Variants in FAM229A observed in about 807,000 individuals in gnomAD.
FAM229A encodes the protein protein FAM229A.
FAM229A carries 9 observed loss-of-function variants against 10.0 expected under a neutral mutation model. The observed-to-expected ratio is 0.90, with a 90% CI of 0.54 to 1.56. The LOEUF (loss-of-function observed/expected upper bound fraction) is 1.56. Among genes scored for constraint, FAM229A ranks in the 40% most tolerant of loss-of-function variants. The pLI is 0.00. For missense variants in FAM229A, 196 were observed against 197.6 expected (o/e 0.99, Z 0.05); for synonymous variants, 93 against 90.1 (o/e 1.03, Z -0.19).
chr1:32,362,087 A>T lies in FAM229A; in HGVS notation c.5T>A (p.Leu2Gln). The change falls in exon 1 of 3, where the codon CTG becomes CAG. Residue 2 changes from leucine to glutamine, a missense_variant. Physicochemically the swap from Leu to Gln is moderately radical, Grantham distance 113. Transcript: ENST00000432622. M[L>Q]PSSTPGPGHA... The stretch of plus-strand genomic sequence containing the variant: ...CCCGGGCCCGGGCGTCGAGGAGGGC[A>T]GCATTGTGACCCGGGCCGCGGCGCG... 1 of 1,404,248 alleles carries T rather than the reference A, an allele frequency of 7.1e-7. No homozygotes were observed. The highest frequency in any genetic ancestry group is 3.0e-5 in the East Asian group (1 of 32,810). 87.0% of individuals were successfully genotyped at this position (1,404,248 alleles called of 1,614,324 possible).
rs575648868 is a variant in FAM229A at position 32,361,813 on chromosome 1, C to T, written c.198G>A (p.Glu66=). 196 of 1,329,886 alleles carry T rather than the reference C, an allele frequency of 1.5e-4. No individual in the cohort carries two copies. The African/African-American group carries it at 2.9e-3, about 20-fold the overall frequency. The allele number at this position is 1,329,886 out of a possible 1,614,324, so 82.4% of individuals were successfully genotyped here. A position where few individuals can be genotyped will look rare whatever the true frequency, so the allele number is the denominator to read the frequency against. The change falls in exon 2 of 3, where the codon GAG becomes GAA. Residue 66 remains glutamate, a synonymous_variant. Coordinates refer to ENST00000432622, the MANE Select transcript of FAM229A (RefSeq NM_001167676.2). ...CGGCAAGGCCACGGGAGTCTCCGGCCTCAATGGGGAATCTCCGACCCTGCG... is the reference window on the plus strand; with the variant it reads ...CGGCAAGGCCACGGGAGTCTCCGGCTTCAATGGGGAATCTCCGACCCTGCG... The part of the protein sequence containing the change: ...EPPQGRRFPI[E]AGDSRGLAAA...
intron 2 of FAM229A, 95 bp from the exon 3 acceptor site, chr1:32,361,630 T>G: frequency 8.0e-7 from 1 of 1,243,692 alleles, no homozygotes. Context: ...TCCCCGGGGG[T>G]CCGGACGTGG....
Position 32,361,401 on chromosome 1 carries a change from A to G in FAM229A, c.*32T>C, listed in dbSNP as rs1641699699. The G allele has an allele frequency of 2.4e-6, 3 of 1,228,930 alleles. No individual in the cohort carries two copies. The highest frequency in any genetic ancestry group is 5.6e-4 in the Middle Eastern group (2 of 3,548). The allele number at this position is 1,228,930 out of a possible 1,614,324, so 76.1% of individuals were successfully genotyped here. A position where few individuals can be genotyped will look rare whatever the true frequency, so the allele number is the denominator to read the frequency against. ...CCCGCTGGGGGCCTCGTTCCCGCCC[A>G]GCTCCCGCGGAGCCGCAGGGAGCAG... is the stretch of plus-strand genomic sequence containing the variant. On this transcript the variant is annotated 3_prime_UTR_variant, in exon 3 of 3. Coordinates refer to ENST00000432622, the MANE Select transcript of FAM229A (RefSeq NM_001167676.2).
Position 32,361,315 on chromosome 1 carries a change from C to G in FAM229A, c.*118G>C, listed in dbSNP as rs1284759568. The G allele has an allele frequency of 6.3e-6, 3 of 476,414 alleles. No individual in the cohort carries two copies. Among genetic ancestry groups the G allele is most frequent in the Non-Finnish European group, 1.0e-5 (3 of 294,880 alleles). 29.5% of individuals were successfully genotyped at this position (476,414 alleles called of 1,614,324 possible). On this transcript the variant is annotated 3_prime_UTR_variant, in exon 3 of 3. Transcript: ENST00000432622. ...GTGCTTTATTAAAATGTGCATCATTCTTTTATTTTAAAATGTGCATCATTG... is the reference window on the plus strand; with the variant it reads ...GTGCTTTATTAAAATGTGCATCATTGTTTTATTTTAAAATGTGCATCATTG...
chr1:32,362,213 C>G lies in FAM229A; in HGVS notation c.-122G>C, dbSNP rs911542721. 1.9e-5 allele frequency: 23 copies of G among 1,239,154 alleles called. No homozygotes were observed. The highest frequency in any genetic ancestry group is 2.3e-5 in the Non-Finnish European group (23 of 979,200). The allele number at this position is 1,239,154 out of a possible 1,614,324, so 76.8% of individuals were successfully genotyped here. On this transcript the variant is annotated 5_prime_UTR_variant, in exon 1 of 3. Transcript: ENST00000432622. ...GGCCAGAATCGGGGACTGGAGGCCTCTGGCCATGGCGCCTGGAGACGGGGT... is the reference window on the plus strand; with the variant it reads ...GGCCAGAATCGGGGACTGGAGGCCTGTGGCCATGGCGCCTGGAGACGGGGT...
In FAM229A at chr1:32,361,549, C is replaced by T. The variant is rs1232117335; in HGVS notation, c.282-14G>A. Reference sequence around the variant, plus strand: ...CGACGAAGCGGCCTGGGGAAATTGACGCGCGACAGGGGCCGCTGAGGCAGG... The same window carrying T: ...CGACGAAGCGGCCTGGGGAAATTGATGCGCGACAGGGGCCGCTGAGGCAGG... On this transcript the variant is annotated splice_polypyrimidine_tract_variant and intron_variant, in intron 2 of 2. Transcript: ENST00000432622. 5.3e-6 allele frequency: 7 copies of T among 1,331,652 alleles called. No homozygotes were observed. Among genetic ancestry groups the T allele is most frequent in the South Asian group, 1.9e-5 (1 of 53,612 alleles). 82.5% of individuals were successfully genotyped at this position (1,331,652 alleles called of 1,614,324 possible).
chr1:32,362,290 C>A lies in FAM229A; in HGVS notation c.-199G>T. On this transcript the variant is annotated 5_prime_UTR_variant, in exon 1 of 3. Transcript: ENST00000432622. ...GGCGCAGCAGGCCAGGGCAACCCGCCGCGAGGCGGCGTCCACGCCGAGGAG... is the reference window on the plus strand; with the variant it reads ...GGCGCAGCAGGCCAGGGCAACCCGCAGCGAGGCGGCGTCCACGCCGAGGAG... 1 of 680,686 alleles carries A rather than the reference C, an allele frequency of 1.5e-6. No homozygotes were observed. Among genetic ancestry groups the A allele is most frequent in the Non-Finnish European group, 2.1e-6 (1 of 473,946 alleles). 42.2% of individuals were successfully genotyped at this position (680,686 alleles called of 1,614,324 possible).
At position 32,362,057 on chromosome 1, in the gene FAM229A, G is replaced by A; in HGVS notation, c.35C>T (p.Ala12Val). ...AGGCGGAGCCGGGCAGGTCTCTGTG[G>A]CGTGCCCGGGCCCGGGCGTCGAGGA... Reference protein sequence around the residue: ...LPSSTPGPGHATETCPAPPGP... With the variant: ...LPSSTPGPGHVTETCPAPPGP... Residue 12 changes from alanine to valine, a missense_variant, in exon 1 of 3, where the codon GCC becomes GTC. Physicochemically the swap from Ala to Val is moderately conservative, Grantham distance 64. Coordinates refer to ENST00000432622, the MANE Select transcript of FAM229A (RefSeq NM_001167676.2). 1.4e-6 allele frequency: 2 copies of A among 1,444,364 alleles called. No individual in the cohort carries two copies. The highest frequency in any genetic ancestry group is 1.8e-6 in the Non-Finnish European group (2 of 1,104,714). 89.5% of individuals were successfully genotyped at this position (1,444,364 alleles called of 1,614,324 possible).
Position 32,362,011 on chromosome 1 carries a change from C to T in FAM229A, c.81G>A (p.Ala27=). The part of the protein sequence containing the change: ...PAPPGPERSP[A]ARAPAAASSL... ...TAGAAGCAGCTGCCGGAGCCCTGGC[C>T]GCGGGAGAACGCTCCGGTCCAGGCG... Residue 27 remains alanine (A), a synonymous_variant, in exon 1 of 3, where the codon GCG becomes GCA. Transcript: ENST00000432622. The T allele has an allele frequency of 5.4e-6, 8 of 1,484,924 alleles. No individual in the cohort carries two copies. Among genetic ancestry groups the T allele is most frequent in the Non-Finnish European group, 6.2e-6 (7 of 1,124,982 alleles). 92.0% of individuals were successfully genotyped at this position (1,484,924 alleles called of 1,614,324 possible).
Position 32,361,849 on chromosome 1 carries a change from G to A in FAM229A, c.162C>T (p.Ala54=), listed in dbSNP as rs1002459355. The A allele has an allele frequency of 7.5e-7, 1 of 1,338,266 alleles. No individual in the cohort carries two copies. Among genetic ancestry groups the A allele is most frequent in the Non-Finnish European group, 9.5e-7 (1 of 1,048,484 alleles). The allele number at this position is 1,338,266 out of a possible 1,614,324, so 82.9% of individuals were successfully genotyped here. A position where few individuals can be genotyped will look rare whatever the true frequency, so the allele number is the denominator to read the frequency against. The change falls in exon 2 of 3, where the codon GCC becomes GCT. Residue 54 remains alanine, a synonymous_variant. Transcript: ENST00000432622. ...GRAPRGLDMS[A]QEPPQGRRFP... The stretch of plus-strand genomic sequence containing the variant: ...ATCTCCGACCCTGCGGGGGCTCCTG[G>A]GCGCTCATGTCCAAGCCCCGGGGCG...
chr1:32,361,291 T>C lies in FAM229A; in HGVS notation c.*142A>G, dbSNP rs953495977. 3.6e-5 allele frequency: 16 copies of C among 440,318 alleles called. No homozygotes were observed. The highest frequency in any genetic ancestry group is 7.6e-6 in the Non-Finnish European group (2 of 263,072). 27.3% of individuals were successfully genotyped at this position (440,318 alleles called of 1,614,324 possible). A position where few individuals can be genotyped will look rare whatever the true frequency, so the allele number is the denominator to read the frequency against. On this transcript the variant is annotated 3_prime_UTR_variant, in exon 3 of 3. Coordinates refer to ENST00000432622, the MANE Select transcript of FAM229A (RefSeq NM_001167676.2). ...GGAGTGGAAAGAACAGTTTGTGCTGTGCTTTATTAAAATGTGCATCATTCT... is the reference window on the plus strand; with the variant it reads ...GGAGTGGAAAGAACAGTTTGTGCTGCGCTTTATTAAAATGTGCATCATTCT...
At chr1:32,361,924 C>T in intron 1 of FAM229A, 34 bp downstream of exon 1, 1 of 1,390,512 alleles carries the variant, frequency 7.2e-7, no homozygotes, top group African/African-American at 1.5e-5. Context: ...CCGGGCGCCG[C>T]CGCCTCGCGC....
chr1:32,361,788 C>T lies in FAM229A; in HGVS notation c.223G>A (p.Ala75Thr), dbSNP rs902041748. The T allele has an allele frequency of 1.2e-5, 16 of 1,322,274 alleles. No individual in the cohort carries two copies. The African/African-American group carries it at 1.5e-4, about 13-fold the overall frequency. 81.9% of individuals were successfully genotyped at this position (1,322,274 alleles called of 1,614,324 possible). Residue 75 changes from alanine (A) to threonine (T), a missense_variant, in exon 2 of 3, where the codon GCC (alanine) becomes ACC (threonine). Transcript: ENST00000432622. ...GGGCTGTCCTGGGACTCGGGGGCGG[C>T]GGCAAGGCCACGGGAGTCTCCGGCC... Reference protein sequence around the residue: ...IEAGDSRGLAAAPESQDSPEA... With the variant: ...IEAGDSRGLATAPESQDSPEA...
chr1:32,362,483 G>A lies in FAM229A; in HGVS notation c.-392C>T, dbSNP rs555724733. 2.7e-5 allele frequency: 16 copies of A among 596,562 alleles called. No homozygotes were observed. The Admixed American group carries it at 3.0e-4, about 11-fold the overall frequency. 37.0% of individuals were successfully genotyped at this position (596,562 alleles called of 1,614,324 possible). On this transcript the variant is annotated 5_prime_UTR_variant, in exon 1 of 3. Transcript: ENST00000432622. ...GCCCATTTTGGCCAAGGGTCACACA[G>A]CATCTACATCACAATTGCACCGGAG...
rs1175825098 is a variant in FAM229A, at chr1:32,361,743, G to A, written c.268C>T (p.His90Tyr). ...QDSPEAVATE[H>Y]NPVRPLRRCP... ...CGCGGGCCTTACCTGACCGGGTTGT[G>A]CTCCGTCGCTACCGCCTCCGGGCTG... Residue 90 changes from histidine to tyrosine, a missense_variant, in exon 2 of 3, where the codon CAC (histidine) becomes TAC (tyrosine). Physicochemically the swap from His to Tyr is moderately conservative, Grantham distance 83. Transcript: ENST00000432622. 2.3e-6 allele frequency: 3 copies of A among 1,312,618 alleles called. No individual in the cohort carries two copies. Among genetic ancestry groups the A allele is most frequent in the African/African-American group, 3.1e-5 (2 of 64,736 alleles). The allele number at this position is 1,312,618 out of a possible 1,614,324, so 81.3% of individuals were successfully genotyped here.
chr1:32,361,992 C>G lies in FAM229A; in HGVS notation c.100G>C (p.Ala34Pro). Reference sequence around the variant, plus strand: ...GTTGAGACCGGTCCCAGGCTAGAAGCAGCTGCCGGAGCCCTGGCCGCGGGA... The same window carrying G: ...GTTGAGACCGGTCCCAGGCTAGAAGGAGCTGCCGGAGCCCTGGCCGCGGGA... ...RSPAARAPAA[A>P]SSLGPVSTAG... The change falls in exon 1 of 3, where the codon GCT becomes CCT. Residue 34 changes from alanine to proline, a missense_variant. Ala to Pro is a conservative substitution (Grantham distance 27). Transcript: ENST00000432622. 6.7e-7 allele frequency: 1 copy of G among 1,485,694 alleles called. No homozygotes were observed. Among genetic ancestry groups the G allele is most frequent in the African/African-American group, 1.5e-5 (1 of 68,534 alleles). The allele number at this position is 1,485,694 out of a possible 1,614,324, so 92.0% of individuals were successfully genotyped here. A position where few individuals can be genotyped will look rare whatever the true frequency, so the allele number is the denominator to read the frequency against.
At chr1:32,361,602 C>G (rs1641703181) in intron 2 of FAM229A, 67 bp from the exon 3 acceptor site, 2 of 1,266,370 alleles carry the variant, frequency 1.6e-6, no homozygotes, top group South Asian at 2.4e-5. Context: ...GGGGCGCACC[C>G]AGGGAGTGCA....
rs1320823626 is a variant in FAM229A at position 32,362,464 on chromosome 1, T to A, written c.-373A>T. 1.8e-6 allele frequency: 1 copy of A among 546,218 alleles called. No homozygotes were observed. Among genetic ancestry groups the A allele is most frequent in the Non-Finnish European group, 3.2e-6 (1 of 313,550 alleles). 33.8% of individuals were successfully genotyped at this position (546,218 alleles called of 1,614,324 possible). A position where few individuals can be genotyped will look rare whatever the true frequency, so the allele number is the denominator to read the frequency against. On this transcript the variant is annotated 5_prime_UTR_variant, in exon 1 of 3. Transcript: ENST00000432622. ...GAGGGCAGGTAGGGGCACTGCCCATTTTGGCCAAGGGTCACACAGCATCTA... is the reference window on the plus strand; with the variant it reads ...GAGGGCAGGTAGGGGCACTGCCCATATTGGCCAAGGGTCACACAGCATCTA...
chr1:32,362,358 C>A lies in FAM229A; in HGVS notation c.-267G>T, dbSNP rs1342156366. 1.5e-5 allele frequency: 7 copies of A among 475,640 alleles called. No homozygotes were observed. Among genetic ancestry groups the A allele is most frequent in the African/African-American group, 4.0e-5 (2 of 50,070 alleles). The allele number at this position is 475,640 out of a possible 1,614,324, so 29.5% of individuals were successfully genotyped here. A position where few individuals can be genotyped will look rare whatever the true frequency, so the allele number is the denominator to read the frequency against. On this transcript the variant is annotated 5_prime_UTR_variant, in exon 1 of 3. Transcript: ENST00000432622. ...ACACAGACGCGGCGGAGCGCCCTCC[C>A]AGGCGGGACTACAACTCAATGCCTG...
Sources: allele counts gnomAD v4.1 joint callset, GRCh38; gene constraint gnomAD v4.1.1; transcripts MANE v1.5; gene names NCBI Gene and HGNC (gene_info 2026-07-23, HGNC 2026-07-21).